UNC13C: variants seen among roughly 807,000 people sequenced by gnomAD.
UNC13C encodes protein unc-13 homolog C.
Under a neutral mutation model 245.4 loss-of-function variants are expected in UNC13C, and 174 were observed. The observed-to-expected ratio is 0.71, with a 90% CI of 0.63 to 0.80. The LOEUF (loss-of-function observed/expected upper bound fraction) is 0.80, where lower values mean the gene tolerates loss of function less well. Ranked by LOEUF, UNC13C falls within the 30% of genes least tolerant of loss-of-function variation. The probability of loss-of-function intolerance (pLI) is 0.00; values close to 1 mark genes in which losing one functional copy is unlikely to be tolerated. For missense variants in UNC13C, 2,829 were observed against 2,602.9 expected, an observed-to-expected ratio of 1.09 and a Z score of -1.89; for synonymous variants, 992 against 895.1, an observed-to-expected ratio of 1.11 and a Z score of -1.93.
At chr15:54,120,002 A>C (rs760600910) in intron 2 of UNC13C, among the ~76,000 whole-genome samples, 5 of 152,230 alleles carry the variant, frequency 3.3e-5, no homozygotes, top group Non-Finnish European at 7.3e-5. Context: ...TCTCCATAAC[A>C]TAAAAGTACA....
chr15:54,427,622 T>C (rs967617599), intron 19 of UNC13C, among the ~76,000 whole-genome samples: 1 of 151,912 alleles, frequency 6.6e-6, no homozygotes, highest in Non-Finnish European at 1.5e-5. Context: ...CATATTTGCT[T>C]TTCACACATT....
At chr15:53,987,429 C>T (rs1168199302) in intron 1 of UNC13C, among the ~76,000 whole-genome samples, 3 of 152,032 alleles carry the variant, frequency 2.0e-5, no homozygotes, top group Non-Finnish European at 4.4e-5. Context: ...AAAGAGATTG[C>T]AGTGACACAA....
At chr15:54,315,210 G>A (rs2037978299) in intron 13 of UNC13C, among the ~76,000 whole-genome samples, 1 of 151,680 alleles carries the variant, frequency 6.6e-6, no homozygotes, top group South Asian at 2.1e-4. Context: ...ACCAATCAAG[G>A]TTTGGCCTTG....
chr15:53,867,883 T>G, the UNC13C span, among the ~76,000 whole-genome samples: 1 of 152,170 alleles, frequency 6.6e-6, no homozygotes, highest in South Asian at 2.1e-4. Flanking sequence ...CAGGCTGGAG[T>G]GCAGTGGTGC....
intron 2 of UNC13C, among the ~76,000 whole-genome samples, chr15:54,088,893 A>G (rs1329481343): frequency 2.0e-5 from 3 of 152,208 alleles, no homozygotes; most frequent in South Asian, 4.1e-4. Flanking sequence ...CTAATTTTAC[A>G]CTATTGAAAC....
intron 18 of UNC13C, among the ~76,000 whole-genome samples, chr15:54,398,150 G>GT (rs1325770274): frequency 6.6e-5 from 10 of 151,348 alleles, no homozygotes; most frequent in African/African-American, 1.7e-4. Context: ...TATTCCGAAA[G>GT]TTTTTATCAT....
At chr15:54,301,397 T>C (rs2037578536) in intron 13 of UNC13C, among the ~76,000 whole-genome samples, 1 of 151,532 alleles carries the variant, frequency 6.6e-6, no homozygotes, top group Admixed American at 6.6e-5. Flanking sequence ...CATCAACCCA[T>C]CATCTACATT....
intron 14 of UNC13C, among the ~76,000 whole-genome samples, chr15:54,328,400 C>G (rs113442750): frequency 1.3e-5 from 2 of 151,964 alleles, no homozygotes; most frequent in African/African-American, 4.8e-5. Context: ...AAAACTGTTA[C>G]AATTTGCTTG....
chr15:54,114,433 A>T (rs2030070248), intron 2 of UNC13C, among the ~76,000 whole-genome samples: 3 of 152,172 alleles, frequency 2.0e-5, no homozygotes, highest in Middle Eastern at 3.4e-3. Context: ...TGTGATTTTA[A>T]ATTTTTTATA....
intron 1 of UNC13C, among the ~76,000 whole-genome samples, chr15:53,990,287 G>A (rs1894327230): frequency 6.6e-6 from 1 of 151,922 alleles, no homozygotes; most frequent in Non-Finnish European, 1.5e-5. Flanking sequence ...GTATCAATGG[G>A]ATCATCGATG....
chr15:53,970,105 C>T, the UNC13C span, among the ~76,000 whole-genome samples: 8 of 150,000 alleles, frequency 5.3e-5, no homozygotes, highest in Middle Eastern at 3.4e-3. Context: ...GACTGGAGTT[C>T]AGTGGTGTGA....
At chr15:54,546,284 A>T (rs1259621047) in intron 26 of UNC13C, among the ~76,000 whole-genome samples, 1 of 152,176 alleles carries the variant, frequency 6.6e-6, no homozygotes, top group Non-Finnish European at 1.5e-5. Context: ...ACACGTGGAC[A>T]CAGGGAGGGG....
At chr15:54,042,670 G>A (rs1005002884) in intron 2 of UNC13C, among the ~76,000 whole-genome samples, 23 of 152,066 alleles carry the variant, frequency 1.5e-4, no homozygotes, top group Middle Eastern at 3.2e-3. Flanking sequence ...TGGCTAACAG[G>A]GTGAAACCCC....
intron 18 of UNC13C, among the ~76,000 whole-genome samples, chr15:54,406,511 G>T (rs1433669742): frequency 3.3e-5 from 5 of 152,090 alleles, no homozygotes; most frequent in Non-Finnish European, 7.4e-5. Flanking sequence ...CATATTTTGG[G>T]GTAGCATGTC....
chr15:54,197,586 G>C (rs2034396987), intron 4 of UNC13C, among the ~76,000 whole-genome samples: 1 of 152,156 alleles, frequency 6.6e-6, no homozygotes, highest in Non-Finnish European at 1.5e-5. Context: ...GAGAATAATT[G>C]AGTTGTGGAT....
At chr15:54,613,821 T>C (rs1367350895) in intron 30 of UNC13C, among the ~76,000 whole-genome samples, 1 of 152,042 alleles carries the variant, frequency 6.6e-6, no homozygotes, top group African/African-American at 2.4e-5. Context: ...CAAATATTTA[T>C]CTAGTACGTA....
intron 10 of UNC13C, among the ~76,000 whole-genome samples, chr15:54,283,128 A>T (rs1297291756): frequency 1.3e-5 from 2 of 152,324 alleles, no homozygotes; most frequent in Non-Finnish European, 2.9e-5. Context: ...CAGTCCAAGG[A>T]TTTAACTTGC....
chr15:54,234,197 G>A (rs949362897), intron 4 of UNC13C, among the ~76,000 whole-genome samples: 17 of 150,944 alleles, frequency 1.1e-4, no homozygotes, highest in East Asian at 3.9e-4. Flanking sequence ...TTTTATGTGC[G>A]TTCATAAACA....
chr15:54,041,691 T>C (rs1168421619), intron 2 of UNC13C, among the ~76,000 whole-genome samples: 4 of 152,214 alleles, frequency 2.6e-5, no homozygotes, highest in African/African-American at 9.6e-5. Context: ...ACTTTGTTCA[T>C]TTGTCAAATG....
Sources: gnomAD v4.1 joint callset for allele counts (sites outside exome capture counted in the v4.1 genomes callset) on GRCh38, gnomAD v4.1.1 for gene constraint, MANE v1.5 for transcripts, NCBI Gene and HGNC (gene_info 2026-07-23, HGNC 2026-07-21) for gene names.